Variants in SPATC1 observed in about 807,000 individuals in gnomAD.
SPATC1 encodes the protein spermatogenesis and centriole associated 1.
Under a neutral mutation model 36.5 loss-of-function variants are expected in SPATC1, and 35 were observed. That is an observed-to-expected ratio of 0.96 (90% confidence interval 0.73 to 1.27). The LOEUF (loss-of-function observed/expected upper bound fraction) is 1.27. Among genes scored for constraint, SPATC1 ranks in the 50% most tolerant of loss-of-function variants. The probability of loss-of-function intolerance (pLI) is 0.00; values close to 1 mark genes in which losing one functional copy is unlikely to be tolerated. For synonymous variants in SPATC1, 361 were observed against 353.6 expected (o/e 1.02, Z -0.24); for missense variants, 779 against 796.0 (o/e 0.98, Z 0.26).
chr8:144,031,575 T>C (rs961592112), intron 1 of SPATC1, among the ~76,000 whole-genome samples: 2 of 151,640 alleles, frequency 1.3e-5, no homozygotes, highest in African/African-American at 4.8e-5. Flanking sequence ...GATTGTAATG[T>C]ATCTCAGTGA....
In SPATC1 at chr8:144,046,913, G is replaced by A; in HGVS notation, c.1733G>A (p.Ser578Asn). Residue 578 changes from serine to asparagine, a missense_variant, in exon 5 of 5, where the codon AGC becomes AAC. Coordinates refer to ENST00000377470, the MANE Select transcript of SPATC1 (RefSeq NM_198572.3). This position sits in a 1 kb window ranked among gnomAD's most constrained non-coding sequence, Gnocchi z 6.6. ...GCGCTGCTGCTGCTCTCCTGCCTCA[G>A]CCAGCTGGCGCACGATGACGGCAAG... is the stretch of plus-strand genomic sequence containing the variant. ...ADALLLLSCL[S>N]QLAHDDGKPM... 6.3e-7 allele frequency: 1 copy of A among 1,598,738 alleles called. No homozygotes were observed. Among genetic ancestry groups the A allele is most frequent in the Non-Finnish European group, 8.5e-7 (1 of 1,179,644 alleles).
upstream of SPATC1, among the ~76,000 whole-genome samples, chr8:144,012,066 T>C (rs1335456443): frequency 6.6e-6 from 1 of 152,218 alleles, no homozygotes; most frequent in Non-Finnish European, 1.5e-5. Flanking sequence ...ACACTGGGGT[T>C]TCCAGGAACG....
intron 1 of SPATC1, among the ~76,000 whole-genome samples, chr8:144,019,777 AAGG>A (rs1447921730): frequency 6.6e-6 from 1 of 151,972 alleles, no homozygotes; most frequent in Non-Finnish European, 1.5e-5. Context: ...GCAGTCAAGA[AAGG>A]AGGACTGAGG....
intron 1 of SPATC1, among the ~76,000 whole-genome samples, chr8:144,022,704 G>A (rs1834562416): frequency 6.6e-6 from 1 of 150,780 alleles, no homozygotes; most frequent in Admixed American, 6.6e-5. Context: ...CCTTCCCTCA[G>A]GACTATCTTC....
At chr8:144,014,275 A>AAGAG (rs149864099) in intron 1 of SPATC1, among the ~76,000 whole-genome samples, 3 of 149,352 alleles carry the variant, frequency 2.0e-5, no homozygotes, top group South Asian at 2.1e-4. Flanking sequence ...GAAAGAAAGA[A>AAGAG]AGAGAGAGAG....
Position 144,040,644 on chromosome 8 carries a change from C to T in SPATC1, c.843C>T (p.Leu281=). ...GCATGGCGTTTGCAGGAGCACCCCTCCAGACCTCCACCCCTATCGGAGCCA... is the reference window on the plus strand; with the variant it reads ...GCATGGCGTTTGCAGGAGCACCCCTTCAGACCTCCACCCCTATCGGAGCCA... The part of the protein sequence containing the change: ...PLSMAFAGAP[L]QTSTPIGAMG... Residue 281 remains leucine, a synonymous_variant, in exon 3 of 5, where the codon CTC becomes CTT. Coordinates refer to ENST00000377470, the MANE Select transcript of SPATC1 (RefSeq NM_198572.3). 1 of 1,613,642 alleles carries T rather than the reference C, an allele frequency of 6.2e-7. No homozygotes were observed. Among genetic ancestry groups the T allele is most frequent in the Non-Finnish European group, 8.5e-7 (1 of 1,179,848 alleles).
intron 1 of SPATC1, among the ~76,000 whole-genome samples, chr8:144,026,987 C>CTTTTTTTTTTTTTTTTTTT (rs1169014232): frequency 6.1e-5 from 7 of 114,304 alleles, no homozygotes; most frequent in Non-Finnish European, 8.7e-5. Context: ...TTTTTTTTTT[C>CTTTTTTTTTTTTTTTTTTT]TTTTTTTTTT....
intron 1 of SPATC1, among the ~76,000 whole-genome samples, chr8:144,020,228 T>C (rs1834479808): frequency 6.7e-6 from 1 of 148,994 alleles, no homozygotes; most frequent in Non-Finnish European, 1.5e-5. Context: ...CTCAGGAGGC[T>C]GTTCTCTCAG....
chr8:144,021,493 ACCTCCTTCCCTCAGAT>A (rs1834534183), intron 1 of SPATC1, among the ~76,000 whole-genome samples: 1 of 69,846 alleles, frequency 1.4e-5, no homozygotes, highest in Non-Finnish European at 3.1e-5. Context: ...TTCCCTCAGG[ACCTCCTTCCCTCAGAT>A]CCCTCTCCCC....
At chr8:144,035,700 G>A (rs1273169820) in intron 1 of SPATC1, among the ~76,000 whole-genome samples, 8 of 152,198 alleles carry the variant, frequency 5.3e-5, no homozygotes, top group Admixed American at 2.6e-4. Context: ...CCTCCACAGC[G>A]GCCACCTTCC....
At chr8:144,013,017 T>C (rs534256289) in intron 1 of SPATC1, among the ~76,000 whole-genome samples, 33 of 152,086 alleles carry the variant, frequency 2.2e-4, no homozygotes, top group Non-Finnish European at 4.1e-4. Context: ...GGCCCTCTCC[T>C]CTGTCCACCA....
chr8:144,046,824 C>T lies in SPATC1; in HGVS notation c.1644C>T (p.Pro548=). Residue 548 remains proline, a synonymous_variant, in exon 5 of 5, where the codon CCC becomes CCT. Coordinates refer to ENST00000377470, the MANE Select transcript of SPATC1 (RefSeq NM_198572.3). This position sits in a 1 kb window ranked among gnomAD's most constrained non-coding sequence, Gnocchi z 6.6. ...RPELAASEGG[P]YTVDFLQRVV... ...AGCTGGCGGCGTCTGAGGGCGGCCC[C>T]TACACCGTGGACTTCCTGCAGCGTG... The T allele has an allele frequency of 6.2e-7, 1 of 1,604,228 alleles. No individual in the cohort carries two copies. The highest frequency in any genetic ancestry group is 8.5e-7 in the Non-Finnish European group (1 of 1,179,898).
chr8:144,018,851 G>C (rs2133101813), intron 1 of SPATC1, among the ~76,000 whole-genome samples: 1 of 136,564 alleles, frequency 7.3e-6, no homozygotes, highest in Admixed American at 7.9e-5. Context: ...GGCCAACACG[G>C]TGAAACCCCG....
chr8:144,040,868 A>T lies in SPATC1; in HGVS notation c.1067A>T (p.His356Leu), dbSNP rs1564279266. Residue 356 changes from histidine (H) to leucine (L), a missense_variant, in exon 3 of 5, where the codon CAC (histidine) becomes CTC (leucine). Coordinates refer to ENST00000377470, the MANE Select transcript of SPATC1 (RefSeq NM_198572.3). The part of the protein sequence containing the change: ...ATSYTPSSTT[H>L]IAQGAPHPPS... ...AGCTACACACCCTCAAGCACCACCCACATCGCCCAGGGTGCCCCCCATCCC... is the reference window on the plus strand; with the variant it reads ...AGCTACACACCCTCAAGCACCACCCTCATCGCCCAGGGTGCCCCCCATCCC... 3 of 1,363,406 alleles carry T rather than the reference A, an allele frequency of 2.2e-6. No individual in the cohort carries two copies. In the Admixed American group the frequency reaches 6.3e-5, roughly 29 times the overall value. The allele number at this position is 1,363,406 out of a possible 1,614,324, so 84.5% of individuals were successfully genotyped here. A position where few individuals can be genotyped will look rare whatever the true frequency, so the allele number is the denominator to read the frequency against.
At chr8:144,013,325 G>C (rs73379115) in intron 1 of SPATC1, among the ~76,000 whole-genome samples, 21,176 of 152,010 alleles carry the variant, frequency 0.14, 3,306 homozygotes, top group African/African-American at 0.39. Context: ...CTCAGCCAGC[G>C]TACCCACAGC....
intron 4 of SPATC1, among the ~76,000 whole-genome samples, chr8:144,044,578 A>G (rs879984728): frequency 2.5e-4 from 38 of 149,838 alleles, no homozygotes; most frequent in East Asian, 4.1e-4. Context: ...AAAGTGCTGG[A>G]ATTACAGGCG....
At chr8:144,020,124 C>T (rs1309257026) in intron 1 of SPATC1, among the ~76,000 whole-genome samples, 4 of 151,888 alleles carry the variant, frequency 2.6e-5, no homozygotes, top group African/African-American at 9.7e-5. Context: ...GAAACACGTT[C>T]CCGCTCAAGA....
At chr8:144,036,906 C>T (rs1202102532) in intron 1 of SPATC1, among the ~76,000 whole-genome samples, 3 of 151,714 alleles carry the variant, frequency 2.0e-5, no homozygotes, top group Non-Finnish European at 4.4e-5. Context: ...ATGAGGCCTC[C>T]GCAGCTACAA....
chr8:144,040,818 CG>C lies in SPATC1; in HGVS notation c.1018del (p.Ala340ProfsTer76). 1 of 1,559,336 alleles carries C rather than the reference CG, an allele frequency of 6.4e-7. No individual in the cohort carries two copies. Among genetic ancestry groups the C allele is most frequent in the Non-Finnish European group, 8.7e-7 (1 of 1,152,944 alleles). On this transcript the variant is annotated frameshift_variant, in exon 3 of 5. Coordinates refer to ENST00000377470, the MANE Select transcript of SPATC1 (RefSeq NM_198572.3). LOFTEE classifies it high-confidence loss of function. ...CGGTCACCGTCCTTGCCTCTGCCCC[CG>C]CCCTTGCCCCCCAGGTTGCCACCAG... ...PTVTVLASAP[A>X]LAPQVATSYT... is the part of the protein sequence containing the mutation.
Sources: allele counts gnomAD v4.1 joint callset (sites outside exome capture counted in the v4.1 genomes callset), GRCh38; gene constraint gnomAD v4.1.1; non-coding constraint Gnocchi (gnomAD v3.1); transcripts MANE v1.5; gene names NCBI Gene and HGNC (gene_info 2026-07-23, HGNC 2026-07-21).